AOAH: variants seen among roughly 807,000 people sequenced by gnomAD.
The protein encoded by AOAH is acyloxyacyl hydrolase (neutrophil).
In AOAH, 64 loss-of-function variants were observed where a neutral mutation model predicts 92.2. That is an observed-to-expected ratio of 0.69 (90% CI 0.57 to 0.86). The LOEUF (loss-of-function observed/expected upper bound fraction) is 0.86, where lower values mean the gene tolerates loss of function less well. AOAH is among the 40% of genes least tolerant of loss of function. The pLI is 0.00. For missense variants in AOAH, 656 were observed against 694.6 expected, an observed-to-expected ratio of 0.94 and a Z score of 0.62; for synonymous variants, 263 against 254.5, an observed-to-expected ratio of 1.03 and a Z score of -0.32.
intron 1 of AOAH, among the ~76,000 whole-genome samples, chr7:36,696,948 T>C (rs745619084): frequency 4.6e-5 from 7 of 152,190 alleles, no homozygotes; most frequent in Non-Finnish European, 1.0e-4. Flanking sequence ...TTTTTGTAGA[T>C]ACCTTAGGAT....
At chr7:36,702,469 G>C (rs12375005) in intron 1 of AOAH, among the ~76,000 whole-genome samples, 1 of 152,118 alleles carries the variant, frequency 6.6e-6, no homozygotes, top group African/African-American at 2.4e-5. Context: ...CTTCCTCTGA[G>C]CATTTTAAGT....
chr7:36,688,946 C>A, intron 1 of AOAH, among the ~76,000 whole-genome samples: 1 of 152,006 alleles, frequency 6.6e-6, no homozygotes, highest in East Asian at 1.9e-4. Flanking sequence ...TATACATACA[C>A]ACACATATGT....
intron 3 of AOAH, among the ~76,000 whole-genome samples, chr7:36,662,337 A>T (rs1795265537): frequency 6.6e-6 from 1 of 152,244 alleles, no homozygotes; most frequent in Non-Finnish European, 1.5e-5. Context: ...GTTCATCGTG[A>T]AAGTCACCTG....
intron 13 of AOAH, among the ~76,000 whole-genome samples, chr7:36,556,542 T>C (rs1213970260): frequency 2.6e-5 from 4 of 150,964 alleles, no homozygotes; most frequent in African/African-American, 9.8e-5. Context: ...GTATCCTTGT[T>C]AACTTTCTGT....
At chr7:36,562,876 C>T (rs12112057) in intron 13 of AOAH, among the ~76,000 whole-genome samples, 19,268 of 151,828 alleles carry the variant, frequency 0.13, 1,272 homozygotes, top group East Asian at 0.15. Flanking sequence ...AGGCCAGACG[C>T]GGTGGCTCAC....
chr7:36,519,765 A>G (rs1316125935), intron 20 of AOAH, among the ~76,000 whole-genome samples: 33 of 151,836 alleles, frequency 2.2e-4, no homozygotes, highest in Non-Finnish European at 7.4e-5. Context: ...CTCTCATCCC[A>G]CCCCATAATG....
At chr7:36,717,219 G>T (rs1562727725) in intron 1 of AOAH, among the ~76,000 whole-genome samples, 1 of 152,086 alleles carries the variant, frequency 6.6e-6, no homozygotes, top group Non-Finnish European at 1.5e-5. Context: ...TGGAGCTGGG[G>T]TTGTTTGTGA....
chr7:36,624,583 C>G (rs1270258556), intron 6 of AOAH, among the ~76,000 whole-genome samples: 2 of 152,196 alleles, frequency 1.3e-5, no homozygotes, highest in African/African-American at 4.8e-5. Flanking sequence ...AATATACTTA[C>G]CAGGTTCCCT....
intron 15 of AOAH, among the ~76,000 whole-genome samples, chr7:36,547,416 C>T (rs1181982394): frequency 9.9e-5 from 15 of 152,228 alleles, no homozygotes; most frequent in Admixed American, 9.8e-4. Context: ...GGCAAACACA[C>T]TTTAATACTA....
intron 16 of AOAH, among the ~76,000 whole-genome samples, chr7:36,533,787 C>T (rs909854252): frequency 3.3e-5 from 5 of 152,082 alleles, no homozygotes; most frequent in Non-Finnish European, 5.9e-5. Context: ...CACTCCCCAC[C>T]CTGGGTCCTC....
At chr7:36,640,441 G>C (rs1330897747) in intron 4 of AOAH, among the ~76,000 whole-genome samples, 1 of 152,176 alleles carries the variant, frequency 6.6e-6, no homozygotes, top group Non-Finnish European at 1.5e-5. Flanking sequence ...GGCTACATGG[G>C]GAGTGAGGGA....
intron 2 of AOAH, among the ~76,000 whole-genome samples, chr7:36,684,009 A>G (rs1281122546): frequency 6.6e-6 from 1 of 152,148 alleles, no homozygotes; most frequent in Non-Finnish European, 1.5e-5. Context: ...GAAAAAAAAA[A>G]AGAGTGGCCA....
rs569305429 is a variant in AOAH, at chr7:36,514,688, G to A, written c.1600-1308C>T. 3.7e-6 allele frequency: 3 copies of A among 816,370 alleles called. No individual in the cohort carries two copies. The East Asian group carries it at 8.0e-5, about 22-fold the overall frequency. 50.6% of individuals were successfully genotyped at this position (816,370 alleles called of 1,614,324 possible). ...AGTGGTTTTCAATGCTGAGCAATGA[G>A]AAATGTGATTGCTGAAGGCCTGCCA... On this transcript the variant is annotated intron_variant, in intron 20 of 20. Coordinates refer to ENST00000617537, the MANE Select transcript of AOAH (RefSeq NM_001637.4).
At chr7:36,558,433 G>A (rs1404420268) in intron 13 of AOAH, among the ~76,000 whole-genome samples, 1 of 152,232 alleles carries the variant, frequency 6.6e-6, no homozygotes, top group Non-Finnish European at 1.5e-5. Context: ...TCGGGGGTCA[G>A]GGGTCAGGGA....
At chr7:36,539,991 CT>C (rs1324780633) in intron 16 of AOAH, among the ~76,000 whole-genome samples, 1 of 152,206 alleles carries the variant, frequency 6.6e-6, no homozygotes, top group Non-Finnish European at 1.5e-5. Flanking sequence ...CTGTCTTTGA[CT>C]CACGGGTCTG....
chr7:36,610,455 AT>A (rs1293245928), intron 11 of AOAH, among the ~76,000 whole-genome samples: 1 of 150,468 alleles, frequency 6.6e-6, no homozygotes, highest in African/African-American at 2.4e-5. Context: ...TGGTGGGGTT[AT>A]TTTTTACTTC....
chr7:36,533,788 C>A, intron 16 of AOAH, among the ~76,000 whole-genome samples: 1 of 152,032 alleles, frequency 6.6e-6, no homozygotes, highest in Non-Finnish European at 1.5e-5. Flanking sequence ...ACTCCCCACC[C>A]TGGGTCCTCC....
At position 36,688,009 on chromosome 7, in the gene AOAH, A is replaced by G. The variant is rs75855623; in HGVS notation, c.128-1215T>C. Among the ~76,000 whole-genome samples the G allele has an allele frequency of 7.2e-4, 109 of 152,300 alleles. 2 individuals are homozygous for G. The East Asian group carries it at 0.02, about 28-fold the overall frequency. ...TGTTCTGTCCCCTCTCTCTGGACAAAGAGAAAGGTTCACCACATCTCTGAC... is the reference window on the plus strand; with the variant it reads ...TGTTCTGTCCCCTCTCTCTGGACAAGGAGAAAGGTTCACCACATCTCTGAC... On this transcript the variant is annotated intron_variant, in intron 1 of 20. Transcript: ENST00000617537.
intron 11 of AOAH, among the ~76,000 whole-genome samples, chr7:36,610,685 A>T (rs569507224): frequency 4.7e-4 from 71 of 152,312 alleles, no homozygotes; most frequent in African/African-American, 1.6e-3. Flanking sequence ...TAAAAACAAT[A>T]AAGCGTATGC....
Sources: allele counts gnomAD v4.1 joint callset (sites outside exome capture counted in the v4.1 genomes callset), GRCh38; gene constraint gnomAD v4.1.1; transcripts MANE v1.5; gene names NCBI Gene and HGNC (gene_info 2026-07-23, HGNC 2026-07-21).